PRKRIP1: variants seen among roughly 807,000 people sequenced by gnomAD.
PRKRIP1 encodes PRKR-interacting protein 1.
In PRKRIP1, 29 loss-of-function variants were observed where a neutral mutation model predicts 29.3. That is an observed-to-expected ratio of 0.99 (90% CI 0.74 to 1.35). The LOEUF (loss-of-function observed/expected upper bound fraction) is 1.35, where lower values mean the gene tolerates loss of function less well. Among genes scored for constraint, PRKRIP1 ranks in the 40% most tolerant of loss-of-function variants. PRKRIP1 has a pLI of 0.00. For synonymous variants in PRKRIP1, 90 were observed against 85.1 expected (o/e 1.06, Z -0.32); for missense variants, 247 against 236.8 (o/e 1.04, Z -0.28).
Position 102,396,374 on chromosome 7 carries a change from C to T in PRKRIP1, c.-38C>T, listed in dbSNP as rs781783557. 1.3e-5 allele frequency: 19 copies of T among 1,491,294 alleles called. No homozygotes were observed. The South Asian group carries it at 1.9e-4, about 15-fold the overall frequency. 92.4% of individuals were successfully genotyped at this position (1,491,294 alleles called of 1,614,324 possible). Reference sequence around the variant, plus strand: ...GCGGCTGTGTCGTCATACTTGCGCGCCGACGCCGCCGCTCGCTTGTGAAAC... The same window carrying T: ...GCGGCTGTGTCGTCATACTTGCGCGTCGACGCCGCCGCTCGCTTGTGAAAC... On this transcript the variant is annotated 5_prime_UTR_variant, in exon 1 of 6. Coordinates refer to ENST00000397912, the MANE Select transcript of PRKRIP1 (RefSeq NM_024653.4).
At chr7:102,402,761 C>T (rs1586676831) in intron 3 of PRKRIP1, among the ~76,000 whole-genome samples, 1 of 152,250 alleles carries the variant, frequency 6.6e-6, no homozygotes, top group South Asian at 2.1e-4. Flanking sequence ...AGAGCCCAGT[C>T]CCACTCACCC....
chr7:102,422,978 T>C (rs1225391374), intron 5 of PRKRIP1: 1 of 315,736 alleles, frequency 3.2e-6, no homozygotes, highest in Non-Finnish European at 6.5e-6. Context: ...GGATAAGGGA[T>C]CTGCAGCCCA....
intron 3 of PRKRIP1, among the ~76,000 whole-genome samples, chr7:102,401,444 C>T (rs1243705246): frequency 6.6e-6 from 1 of 152,052 alleles, no homozygotes; most frequent in African/African-American, 2.4e-5. Context: ...AAAAATTCTG[C>T]TTTGGGGGGC....
In PRKRIP1 at chr7:102,404,684, GTAAGCGGCATGGCC is replaced by G. The variant is rs1563614632; in HGVS notation, c.392+5_392+18del. On this transcript the variant is annotated splice_donor_variant and splice_donor_5th_base_variant and intron_variant, in intron 4 of 5. Coordinates refer to ENST00000397912, the MANE Select transcript of PRKRIP1 (RefSeq NM_024653.4). LOFTEE classifies it high-confidence loss of function. ...AGACCGCAAAGCGCCGGAAGAAGCG[GTAAGCGGCATGGCC>G]TAACTGTGATGACACTTAAGGGCCA... 6.2e-7 allele frequency: 1 copy of G among 1,612,812 alleles called. No homozygotes were observed. The highest frequency in any genetic ancestry group is 8.5e-7 in the Non-Finnish European group (1 of 1,179,350).
intron 5 of PRKRIP1, among the ~76,000 whole-genome samples, chr7:102,407,748 G>A (rs998713518): frequency 6.6e-6 from 1 of 151,532 alleles, no homozygotes; most frequent in South Asian, 2.1e-4. Context: ...TGGTCAGGGA[G>A]ATCAGTGACA....
At position 102,397,617 on chromosome 7, in the gene PRKRIP1, C is replaced by A; in HGVS notation, c.127-3C>A. ...TAAATGCTTTCATGTTTAAATGTTG[C>A]AGGACAAAGCAGTTCCAATTCCAGA... On this transcript the variant is annotated splice_region_variant and splice_polypyrimidine_tract_variant and intron_variant, in intron 1 of 5. Coordinates refer to ENST00000397912, the MANE Select transcript of PRKRIP1 (RefSeq NM_024653.4). 6.2e-7 allele frequency: 1 copy of A among 1,611,824 alleles called. No individual in the cohort carries two copies.
chr7:102,396,890 AGACAGTGGCCGAGAC>A (rs1371522236), intron 1 of PRKRIP1, among the ~76,000 whole-genome samples: 4 of 152,176 alleles, frequency 2.6e-5, no homozygotes, highest in African/African-American at 9.7e-5. Flanking sequence ...ATCGTTAGAG[AGACAGTGGCCGAGAC>A]GTTTGGAGCT....
intron 5 of PRKRIP1, among the ~76,000 whole-genome samples, chr7:102,419,079 G>A (rs571239530): frequency 1.2e-4 from 18 of 152,012 alleles, no homozygotes; most frequent in Non-Finnish European, 2.4e-4. Context: ...CACCTTCTGC[G>A]TTCCATCCTG....
intron 5 of PRKRIP1, among the ~76,000 whole-genome samples, chr7:102,419,571 A>G (rs2411004): frequency 0.93 from 142,271 of 152,202 alleles, 67,213 homozygotes; most frequent in East Asian, 1. Flanking sequence ...GCCTCCTCCC[A>G]ACCCCCAGCC....
At chr7:102,401,708 G>A (rs577803969) in intron 3 of PRKRIP1, among the ~76,000 whole-genome samples, 1 of 152,196 alleles carries the variant, frequency 6.6e-6, no homozygotes, top group African/African-American at 2.4e-5. Flanking sequence ...ACTCCAGCCT[G>A]GGCAACAAGA....
At position 102,396,474 on chromosome 7, in the gene PRKRIP1, C is replaced by T. The variant is rs782789810; in HGVS notation, c.63C>T (p.Leu21=). Residue 21 remains leucine (L), a synonymous_variant, in exon 1 of 6, where the codon CTC becomes CTT. Coordinates refer to ENST00000397912, the MANE Select transcript of PRKRIP1 (RefSeq NM_024653.4). ...PPRPKKEPQT[L]VIPKNAAEEQ... ...GGCCCAAGAAAGAGCCGCAGACGCT[C>T]GTCATCCCCAAGAATGCGGCGGAGG... The T allele has an allele frequency of 1.9e-6, 3 of 1,609,776 alleles. No homozygotes were observed. In the African/African-American group the frequency reaches 4.0e-5, roughly 22 times the overall value.
chr7:102,414,478 A>G (rs782637609), intron 5 of PRKRIP1, among the ~76,000 whole-genome samples: 11 of 152,232 alleles, frequency 7.2e-5, no homozygotes, highest in Non-Finnish European at 1.0e-4. Context: ...TTGACATGCC[A>G]TAATACACCT....
intron 3 of PRKRIP1, among the ~76,000 whole-genome samples, chr7:102,400,081 G>C (rs1554571013): frequency 6.6e-6 from 1 of 151,652 alleles, no homozygotes; most frequent in Non-Finnish European, 1.5e-5. Flanking sequence ...GCTGGTGTGA[G>C]GTCTGCCTTC....
At position 102,396,532 on chromosome 7, in the gene PRKRIP1, A is replaced by G. The variant is rs1563609556; in HGVS notation, c.121A>G (p.Asn41Asp). 1 of 1,607,602 alleles carries G rather than the reference A, an allele frequency of 6.2e-7. No individual in the cohort carries two copies. The highest frequency in any genetic ancestry group is 2.3e-5 in the East Asian group (1 of 44,302). The change falls in exon 1 of 6, where the codon AAC becomes GAC. Residue 41 changes from asparagine to aspartate, a missense_variant. By Grantham distance (23) the Asn-to-Asp change is conservative (BLOSUM62 1). This residue lies in a region of PRKRIP1 where 105 missense variants were observed against 80.2 expected (regional missense o/e 1.31). Coordinates refer to ENST00000397912, the MANE Select transcript of PRKRIP1 (RefSeq NM_024653.4). ...GCTCAAGCTGGAGCGGCTCATGAAG[A>G]ACCCGGTGAGACGAGGCCCAGGCTC... Reference protein sequence around the residue: ...QKLKLERLMKNPDKAVPIPEK... With the variant: ...QKLKLERLMKDPDKAVPIPEK...
chr7:102,419,691 G>T lies in PRKRIP1; in HGVS notation c.458-5323G>T, dbSNP rs112123674. On this transcript the variant is annotated intron_variant, in intron 5 of 5. Coordinates refer to ENST00000397912, the MANE Select transcript of PRKRIP1 (RefSeq NM_024653.4). The stretch of plus-strand genomic sequence containing the variant: ...ATTGGCTTCTTTTGCTTACCAGAAC[G>T]TGGCTTAATGCCCCATTCCTTTTGC... Among the ~76,000 whole-genome samples the T allele has an allele frequency of 2.3e-3, 355 of 152,192 alleles. 2 individuals are homozygous for T. The highest frequency in any genetic ancestry group is 7.9e-3 in the African/African-American group (330 of 41,516).
At chr7:102,415,391 C>T (rs1290044599) in intron 5 of PRKRIP1, among the ~76,000 whole-genome samples, 4 of 152,216 alleles carry the variant, frequency 2.6e-5, no homozygotes, top group African/African-American at 9.6e-5. Context: ...CGACTGCCAC[C>T]ACACCAGCTA....
At chr7:102,400,569 GA>G (rs1324512715) in intron 3 of PRKRIP1, among the ~76,000 whole-genome samples, 6 of 152,132 alleles carry the variant, frequency 3.9e-5, no homozygotes, top group Non-Finnish European at 7.4e-5. Flanking sequence ...AAAGACGTAT[GA>G]GGGGACTTTC....
chr7:102,396,610 C>G, intron 1 of PRKRIP1, 73 bp downstream of exon 1: 2 of 1,495,038 alleles, frequency 1.3e-6, no homozygotes, highest in Non-Finnish European at 1.8e-6. Context: ...AGGGTTCCCG[C>G]AGGTCCACCT....
intron 3 of PRKRIP1, 96 bp from the exon 4 acceptor site, chr7:102,404,502 G>A: frequency 7.5e-6 from 7 of 935,354 alleles, no homozygotes; most frequent in Non-Finnish European, 6.7e-6. Flanking sequence ...CACCCCCAGT[G>A]GTGTGACTTC....
Sources: gnomAD v4.1 joint callset for allele counts (sites outside exome capture counted in the v4.1 genomes callset) on GRCh38, gnomAD v4.1.1 for gene constraint, gnomAD v4.1.1 regional missense constraint, MANE v1.5 for transcripts, NCBI Gene and HGNC (gene_info 2026-07-23, HGNC 2026-07-21) for gene names.